PTGDR: variants seen among roughly 807,000 people sequenced by gnomAD.
PTGDR encodes the protein PGD2 receptor.
In PTGDR, 19 loss-of-function variants were observed where a neutral mutation model predicts 17.4. The ratio of observed to expected loss-of-function variants is 1.09; its 90% CI spans 0.76 to 1.60. The LOEUF (loss-of-function observed/expected upper bound fraction) is 1.60. PTGDR is among the 40% of genes most tolerant of loss of function. PTGDR has a pLI of 0.00. For missense variants in PTGDR, 526 were observed against 481.9 expected (o/e 1.09, Z -0.86); for synonymous variants, 267 against 224.2 (o/e 1.19, Z -1.71).
chr14:52,279,335 C>T (rs1053572301), downstream of PTGDR, among the ~76,000 whole-genome samples: 26 of 152,206 alleles, frequency 1.7e-4, no homozygotes, highest in African/African-American at 5.8e-4. Context: ...CCACTGTTAT[C>T]GACATTATGT....
In PTGDR at chr14:52,268,556, G is replaced by T; in HGVS notation, c.742G>T (p.Ala248Ser). The T allele has an allele frequency of 3.1e-6, 5 of 1,612,694 alleles. No individual in the cohort carries two copies. The highest frequency in any genetic ancestry group is 3.4e-6 in the Non-Finnish European group (4 of 1,179,608). The part of the protein sequence containing the change: ...SCTRDCAEPR[A>S]DGREASPQPL... ...CACCAGGGACTGTGCCGAGCCGCGC[G>T]CGGACGGGAGGGAAGCGTCCCCTCA... The change falls in exon 1 of 2, where the codon GCG (alanine) becomes TCG (serine). Residue 248 changes from alanine to serine, a missense_variant. Ala to Ser is a moderately conservative substitution (Grantham distance 99). Transcript: ENST00000306051.
At position 52,267,878 on chromosome 14, in the gene PTGDR, A is replaced by T; in HGVS notation, c.64A>T (p.Met22Leu). The T allele has an allele frequency of 6.2e-7, 1 of 1,604,126 alleles. No individual in the cohort carries two copies. The highest frequency in any genetic ancestry group is 1.3e-5 in the African/African-American group (1 of 74,752). ...TSVEKGNSAV[M>L]GGVLFSTGLL... The stretch of plus-strand genomic sequence containing the variant: ...TGTGGAAAAAGGCAACTCGGCGGTG[A>T]TGGGCGGGGTGCTCTTCAGCACCGG... Residue 22 changes from methionine to leucine, a missense_variant, in exon 1 of 2, where the codon ATG (methionine) becomes TTG (leucine). Physicochemically the swap from Met to Leu is conservative, Grantham distance 15. Transcript: ENST00000306051.
At position 52,274,904 on chromosome 14, in the gene PTGDR, TA is replaced by T; in HGVS notation, c.1021del (p.Arg341AspfsTer29). 1 of 1,607,034 alleles carries T rather than the reference TA, an allele frequency of 6.2e-7. No homozygotes were observed. Among genetic ancestry groups the T allele is most frequent in the Non-Finnish European group, 8.5e-7 (1 of 1,173,606 alleles). ...GGATATTTTTTCACAAGATTTTCAT[TA>T]GACCTCTTAGGTACAGGAGCCGGTG... ...FRIFFHKIFI[R>X]PLRYRSRCSN... On this transcript the variant is annotated frameshift_variant, in exon 2 of 2. Transcript: ENST00000306051. LOFTEE classifies it high-confidence loss of function.
At position 52,268,429 on chromosome 14, in the gene PTGDR, C is replaced by G. The variant is rs751146070; in HGVS notation, c.615C>G (p.Ser205Arg). 1.2e-6 allele frequency: 2 copies of G among 1,610,246 alleles called. No individual in the cohort carries two copies. Among genetic ancestry groups the G allele is most frequent in the African/African-American group, 2.7e-5 (2 of 74,952 alleles). The part of the protein sequence containing the change: ...SVLGYSVLYS[S>R]LMALLVLATV... ...TGGGGTACTCTGTGCTCTACTCCAGCCTCATGGCGCTGCTGGTCCTCGCCA... is the reference window on the plus strand; with the variant it reads ...TGGGGTACTCTGTGCTCTACTCCAGGCTCATGGCGCTGCTGGTCCTCGCCA... The change falls in exon 1 of 2, where the codon AGC becomes AGG. Residue 205 changes from serine to arginine, a missense_variant. Transcript: ENST00000306051.
At position 52,268,037 on chromosome 14, in the gene PTGDR, G is replaced by C; in HGVS notation, c.223G>C (p.Gly75Arg). 1.2e-6 allele frequency: 2 copies of C among 1,611,766 alleles called. No individual in the cohort carries two copies. The highest frequency in any genetic ancestry group is 1.7e-6 in the Non-Finnish European group (2 of 1,180,038). ...TGGCCTGACGGTCACCGACTTGCTG[G>C]GCAAGTGCCTCCTAAGCCCGGTGGT... is the stretch of plus-strand genomic sequence containing the variant. ...VCGLTVTDLL[G>R]KCLLSPVVLA... is the part of the protein sequence containing the mutation. Residue 75 changes from glycine to arginine, a missense_variant, in exon 1 of 2, where the codon GGC becomes CGC. Gly to Arg is a moderately radical substitution (Grantham distance 125). Transcript: ENST00000306051.
At chr14:52,278,312 T>A (rs991477151), downstream of PTGDR, among the ~76,000 whole-genome samples, 69 of 152,320 alleles carry the variant, frequency 4.5e-4, no homozygotes, top group African/African-American at 1.6e-3. Flanking sequence ...TTCATGTCCT[T>A]TGTAGGGACA....
At chr14:52,278,097 C>G (rs1415858918), downstream of PTGDR, among the ~76,000 whole-genome samples, 1 of 152,140 alleles carries the variant, frequency 6.6e-6, no homozygotes, top group Non-Finnish European at 1.5e-5. Context: ...TACCATTTCA[C>G]CCAGCCATCC....
intron 1 of PTGDR, 133 bp from the exon 2 acceptor site, chr14:52,274,598 A>G (rs1418274580): frequency 2.7e-6 from 2 of 741,580 alleles, no homozygotes; most frequent in African/African-American, 1.8e-5. Context: ...GGCCTTAGCT[A>G]CTTGTAAATG....
downstream of PTGDR, among the ~76,000 whole-genome samples, chr14:52,278,611 TATAATA>T (rs969894918): frequency 1.3e-5 from 2 of 150,734 alleles, no homozygotes; most frequent in African/African-American, 5.0e-5. Context: ...AAACTTAAAG[TATAATA>T]ATAATAAAGT....
downstream of PTGDR, among the ~76,000 whole-genome samples, chr14:52,279,783 A>G (rs1422037151): frequency 6.7e-6 from 1 of 148,412 alleles, no homozygotes; most frequent in East Asian, 1.9e-4. Context: ...AAAGTATAAT[A>G]ATAATAAAAT....
chr14:52,268,421 T>C lies in PTGDR; in HGVS notation c.607T>C (p.Tyr203His). The C allele has an allele frequency of 6.2e-7, 1 of 1,610,686 alleles. No individual in the cohort carries two copies. Among genetic ancestry groups the C allele is most frequent in the Non-Finnish European group, 8.5e-7 (1 of 1,180,026 alleles). ...GTCGGTGCTGGGGTACTCTGTGCTC[T>C]ACTCCAGCCTCATGGCGCTGCTGGT... ...SLSVLGYSVL[Y>H]SSLMALLVLA... Residue 203 changes from tyrosine to histidine, a missense_variant, in exon 1 of 2, where the codon TAC becomes CAC. Coordinates refer to ENST00000306051, the MANE Select transcript of PTGDR (RefSeq NM_000953.3).
chr14:52,279,652 C>T (rs938489385), downstream of PTGDR, among the ~76,000 whole-genome samples: 10 of 152,042 alleles, frequency 6.6e-5, no homozygotes, highest in Non-Finnish European at 1.0e-4. Flanking sequence ...CAGCAGATCT[C>T]GCCTGATAAC....
rs2033397206 is a variant in PTGDR at position 52,274,991 on chromosome 14, G to A, written c.*27G>A. 1 of 1,425,578 alleles carries A rather than the reference G, an allele frequency of 7.0e-7. No individual in the cohort carries two copies. Among genetic ancestry groups the A allele is most frequent in the African/African-American group, 1.4e-5 (1 of 70,164 alleles). The allele number at this position is 1,425,578 out of a possible 1,614,324, so 88.3% of individuals were successfully genotyped here. ...AGTGTTTTTCACTCTGTGGTAAGCT[G>A]AGGAATATGTCACATTTTCAGTCAA... On this transcript the variant is annotated 3_prime_UTR_variant, in exon 2 of 2. Transcript: ENST00000306051.
Position 52,267,949 on chromosome 14 carries a change from G to C in PTGDR, c.135G>C (p.Gly45=). The C allele has an allele frequency of 1.9e-6, 3 of 1,610,020 alleles. No individual in the cohort carries two copies. Among genetic ancestry groups the C allele is most frequent in the South Asian group, 1.1e-5 (1 of 91,014 alleles). Residue 45 remains glycine (G), a synonymous_variant, in exon 1 of 2, where the codon GGG becomes GGC. Coordinates refer to ENST00000306051, the MANE Select transcript of PTGDR (RefSeq NM_000953.3). ...CCCTGGGGCTGCTGGCGCGCTCGGG[G>C]CTGGGGTGGTGCTCGCGGCGTCCAC... The part of the protein sequence containing the change: ...LLALGLLARS[G]LGWCSRRPLR...
Position 52,268,464 on chromosome 14 carries a change from G to C in PTGDR, c.650G>C (p.Cys217Ser). The C allele has an allele frequency of 6.2e-7, 1 of 1,609,924 alleles. No homozygotes were observed. The highest frequency in any genetic ancestry group is 1.1e-5 in the South Asian group (1 of 91,072). ...MALLVLATVL[C>S]NLGAMRNLYA... ...CTGCTGGTCCTCGCCACCGTGCTGTGCAACCTCGGCGCCATGCGCAACCTC... is the reference window on the plus strand; with the variant it reads ...CTGCTGGTCCTCGCCACCGTGCTGTCCAACCTCGGCGCCATGCGCAACCTC... Residue 217 changes from cysteine to serine, a missense_variant, in exon 1 of 2, where the codon TGC becomes TCC. Coordinates refer to ENST00000306051, the MANE Select transcript of PTGDR (RefSeq NM_000953.3).
At chr14:52,274,623 G>A in intron 1 of PTGDR, 108 bp from the exon 2 acceptor site, 3 of 951,462 alleles carry the variant, frequency 3.2e-6, no homozygotes, top group Non-Finnish European at 4.7e-6. Context: ...AAAAATGGGT[G>A]TTCCAAGCTA....
rs541402899 is a variant in PTGDR, at chr14:52,270,541, T to TA, written c.846+1891dup. On this transcript the variant is annotated intron_variant, in intron 1 of 1. Transcript: ENST00000306051. The stretch of plus-strand genomic sequence containing the variant: ...CTGGGCGACAGAGCAAGACTCCATC[T>TA]AAAAAAAAAATTGTACTCAATTATT... Among the ~76,000 whole-genome samples, 949 of 149,898 alleles carry TA rather than the reference T, an allele frequency of 6.3e-3. 7 individuals are homozygous for TA. The highest frequency in any genetic ancestry group is 0.02 in the African/African-American group (835 of 41,020).
chr14:52,270,471 AG>A (rs1467083390), intron 1 of PTGDR, among the ~76,000 whole-genome samples: 1 of 152,100 alleles, frequency 6.6e-6, no homozygotes, highest in Non-Finnish European at 1.5e-5. Flanking sequence ...TGAACCTGGG[AG>A]GCAGAGGTTG....
intron 1 of PTGDR, among the ~76,000 whole-genome samples, chr14:52,273,962 G>A (rs1177616200): frequency 6.6e-6 from 1 of 151,962 alleles, no homozygotes; most frequent in Non-Finnish European, 1.5e-5. Context: ...CACTTTGCAG[G>A]GCTCCAAGGA....
Sources: gnomAD v4.1 joint callset for allele counts (sites outside exome capture counted in the v4.1 genomes callset) on GRCh38, gnomAD v4.1.1 for gene constraint, MANE v1.5 for transcripts, NCBI Gene and HGNC (gene_info 2026-07-23, HGNC 2026-07-21) for gene names.